The following GABRA1 variants were observed in gnomAD, a reference collection of about 807,000 sequenced individuals.
GABRA1 encodes the protein gamma-aminobutyric acid type A receptor subunit alpha1.
A neutral mutation model predicts 48.9 loss-of-function variants in GABRA1; 9 were observed. The observed-to-expected ratio is 0.18, with a 90% CI of 0.11 to 0.32. The LOEUF (loss-of-function observed/expected upper bound fraction) is 0.32, where lower values mean the gene tolerates loss of function less well. Among genes scored for constraint, GABRA1 ranks in the 10% least tolerant of loss-of-function variants. The probability of loss-of-function intolerance (pLI) is 1.00; values close to 1 mark genes in which losing one functional copy is unlikely to be tolerated. For missense variants in GABRA1, 285 were observed against 553.8 expected (o/e 0.51, Z 4.87); for synonymous variants, 210 against 198.7 (o/e 1.06, Z -0.48).
intron 4 of GABRA1, chr5:161,872,175 G>T (rs1487747028): frequency 6.6e-6 from 1 of 152,642 alleles, no homozygotes; most frequent in Non-Finnish European, 1.5e-5. Flanking sequence ...AACGGAGAAT[G>T]TGGTAATCTC....
At chr5:161,858,836 C>T (rs1211104054) in intron 3 of GABRA1, among the ~76,000 whole-genome samples, 3 of 151,792 alleles carry the variant, frequency 2.0e-5, no homozygotes, top group South Asian at 2.1e-4. Context: ...CTGAATCAGT[C>T]TTCAACTTAA....
intron 7 of GABRA1, among the ~76,000 whole-genome samples, chr5:161,884,951 C>T (rs1482504033): frequency 1.3e-5 from 2 of 152,112 alleles, no homozygotes; most frequent in Non-Finnish European, 2.9e-5. Context: ...ATTCTGGATA[C>T]TCAGAAAAAA....
chr5:161,889,585 C>T (rs1005862232), intron 7 of GABRA1, among the ~76,000 whole-genome samples: 3 of 151,974 alleles, frequency 2.0e-5, no homozygotes, highest in Non-Finnish European at 2.9e-5. Context: ...GTTTTGTAGG[C>T]CAATATATTG....
rs370992944 is a variant in GABRA1, at chr5:161,890,035, T to A, written c.704-863T>A. On this transcript the variant is annotated intron_variant, in intron 7 of 9. Transcript: ENST00000393943. ...ATTTTGAGTGAATAAGGCTAAACAA[T>A]CCTAAGATTTTTAACTGAGAAAGTA... 1.1e-4 allele frequency among the ~76,000 whole-genome samples: 16 copies of A among 152,074 alleles called. No individual in the cohort carries two copies. In the East Asian group the frequency reaches 2.7e-3, roughly 26 times the overall value.
intron 4 of GABRA1, among the ~76,000 whole-genome samples, chr5:161,869,777 G>A (rs888897052): frequency 4.6e-5 from 7 of 152,132 alleles, no homozygotes; most frequent in African/African-American, 1.7e-4. Context: ...TCACTTGAGT[G>A]GTGGGGGCTG....
At chr5:161,852,586 G>C (rs909420786) in intron 2 of GABRA1, among the ~76,000 whole-genome samples, 2 of 151,742 alleles carry the variant, frequency 1.3e-5, no homozygotes, top group Non-Finnish European at 2.9e-5. Context: ...TTGCCTTACT[G>C]TTGTCTTCTG....
At chr5:161,852,301 G>A (rs560239374) in intron 2 of GABRA1, among the ~76,000 whole-genome samples, 26 of 152,116 alleles carry the variant, frequency 1.7e-4, no homozygotes, top group African/African-American at 6.0e-4. Context: ...CTTAGAGGGT[G>A]TAGATAAAGG....
chr5:161,878,270 T>A (rs1194543722), intron 6 of GABRA1, among the ~76,000 whole-genome samples: 1 of 152,162 alleles, frequency 6.6e-6, no homozygotes, highest in Non-Finnish European at 1.5e-5. Context: ...GCTTTGACGG[T>A]CATGCTTAGC....
intron 8 of GABRA1, among the ~76,000 whole-genome samples, chr5:161,895,058 A>G (rs1481627303): frequency 1.3e-5 from 2 of 152,046 alleles, no homozygotes; most frequent in Non-Finnish European, 2.9e-5. Context: ...GTGTGTCTAT[A>G]TGTATATGAG....
At chr5:161,894,087 G>A (rs1028872255) in intron 8 of GABRA1, among the ~76,000 whole-genome samples, 9 of 152,012 alleles carry the variant, frequency 5.9e-5, no homozygotes, top group Admixed American at 2.6e-4. Flanking sequence ...TTATCAAAAA[G>A]GACTAAAGTT....
At chr5:161,849,278 A>T (rs1183488196) in intron 1 of GABRA1, among the ~76,000 whole-genome samples, 2 of 152,168 alleles carry the variant, frequency 1.3e-5, no homozygotes, top group Non-Finnish European at 2.9e-5. Context: ...CAATCTTTTT[A>T]AAAAGATCAA....
Position 161,882,688 on chromosome 5 carries a change from C to T in GABRA1, c.690C>T (p.Val230=). The T allele has an allele frequency of 1.9e-6, 3 of 1,613,402 alleles. No individual in the cohort carries two copies. The highest frequency in any genetic ancestry group is 2.5e-6 in the Non-Finnish European group (3 of 1,179,594). The change falls in exon 7 of 10, where the codon GTC becomes GTT. Residue 230 remains valine, a synonymous_variant. Transcript: ENST00000393943. ...GACAAACAGTAGACTCTGGAATTGTCCAGTCAAGTACAGGTAAGTACGATT... is the reference window on the plus strand; with the variant it reads ...GACAAACAGTAGACTCTGGAATTGTTCAGTCAAGTACAGGTAAGTACGATT... ...LLGQTVDSGI[V]QSSTGEYVVM...
chr5:161,895,885 T>C lies in GABRA1; in HGVS notation c.1059+17T>C, dbSNP rs1231068676. 6.3e-7 allele frequency: 1 copy of C among 1,588,140 alleles called. No individual in the cohort carries two copies. Among genetic ancestry groups the C allele is most frequent in the Non-Finnish European group, 8.6e-7 (1 of 1,156,344 alleles). ...CCAGAAAAGGTAAATGCTTTAATGG[T>C]CACTGTAGTACATCAATATTATGTC... On this transcript the variant is annotated intron_variant, in intron 9 of 9. Transcript: ENST00000393943.
intron 3 of GABRA1, among the ~76,000 whole-genome samples, chr5:161,861,761 A>G (rs1429574835): frequency 6.6e-6 from 1 of 151,894 alleles, no homozygotes; most frequent in Non-Finnish European, 1.5e-5. Context: ...ATCCAGGAGT[A>G]TACATTGATG....
At chr5:161,873,437 T>G in intron 5 of GABRA1, 100 bp downstream of exon 5, 3 of 948,682 alleles carry the variant, frequency 3.2e-6, no homozygotes, top group Non-Finnish European at 5.0e-6. Context: ...GAATATTTGC[T>G]TCCTTGTTTT....
intron 3 of GABRA1, among the ~76,000 whole-genome samples, chr5:161,864,808 A>T (rs1448729883): frequency 8.6e-6 from 1 of 115,832 alleles, no homozygotes; most frequent in Non-Finnish European, 1.7e-5. Flanking sequence ...ATTAAAAATA[A>T]TTTAAAAAGT....
At chr5:161,895,976 G>T (rs1755349260) in intron 9 of GABRA1, 108 bp downstream of exon 9, 1 of 947,856 alleles carries the variant, frequency 1.1e-6, no homozygotes, top group Admixed American at 1.8e-5. Context: ...GAATAATAAG[G>T]ATTCTTTTTT....
rs202004673 is a variant in GABRA1, at chr5:161,895,649, T to G, written c.857-17T>G. 1.2e-6 allele frequency: 2 copies of G among 1,608,932 alleles called. No individual in the cohort carries two copies. The highest frequency in any genetic ancestry group is 1.7e-5 in the Admixed American group (1 of 59,660). On this transcript the variant is annotated splice_polypyrimidine_tract_variant and intron_variant, in intron 8 of 9. Coordinates refer to ENST00000393943, the MANE Select transcript of GABRA1 (RefSeq NM_001127644.2). ...AGTATGAACTGGCATCATGTATGTT[T>G]TTTTTTTTCTTTACAGGAGTAACAA...
chr5:161,866,882 G>C (rs1270632074), intron 4 of GABRA1, among the ~76,000 whole-genome samples: 1 of 152,092 alleles, frequency 6.6e-6, no homozygotes, highest in East Asian at 1.9e-4. Context: ...GAGTATATAA[G>C]AGGTAACAGA....
Sources: gnomAD v4.1 joint callset for allele counts (sites outside exome capture counted in the v4.1 genomes callset) on GRCh38, gnomAD v4.1.1 for gene constraint, MANE v1.5 for transcripts, NCBI Gene and HGNC (gene_info 2026-07-23, HGNC 2026-07-21) for gene names.